RGS21: variants seen among roughly 807,000 people sequenced by gnomAD.
RGS21 encodes regulator of G-protein signalling 21.
A neutral mutation model predicts 18.7 loss-of-function variants in RGS21; 19 were observed. That is an observed-to-expected ratio of 1.01 (90% CI 0.71 to 1.49). The LOEUF (loss-of-function observed/expected upper bound fraction) is 1.49. Among genes scored for constraint, RGS21 ranks in the 40% most tolerant of loss-of-function variants. The pLI is 0.00. For synonymous variants in RGS21, 56 were observed against 57.8 expected (o/e 0.97, Z 0.14); for missense variants, 194 against 176.8 (o/e 1.10, Z -0.55).
chr1:192,328,443 A>G (rs1658599573), intron 1 of RGS21, among the ~76,000 whole-genome samples: 1 of 152,142 alleles, frequency 6.6e-6, no homozygotes, highest in Non-Finnish European at 1.5e-5. Context: ...TCTATGGTTC[A>G]TTATGTTTTT....
intron 2 of RGS21, among the ~76,000 whole-genome samples, chr1:192,344,799 G>A (rs1241981413): frequency 6.6e-6 from 1 of 152,046 alleles, no homozygotes; most frequent in Non-Finnish European, 1.5e-5. Flanking sequence ...TGAGCTGAGG[G>A]TATTCCAGGC....
rs7528947 is a variant in RGS21 at position 192,366,662 on chromosome 1, A to C, written c.*538A>C. 1 of 151,980 alleles carries C rather than the reference A, an allele frequency of 6.6e-6. No individual in the cohort carries two copies. The highest frequency in any genetic ancestry group is 1.5e-5 in the Non-Finnish European group (1 of 68,070). The allele number at this position is 151,980 out of a possible 1,614,324, so 9.4% of individuals were successfully genotyped here. On this transcript the variant is annotated 3_prime_UTR_variant, in exon 5 of 5. Transcript: ENST00000417209. ...TTTTTTAAATCACAGGAATGTATAC[A>C]CATTTATATGTATGTCTTGAATGCA...
At chr1:192,345,591 A>G (rs1398197007) in intron 2 of RGS21, among the ~76,000 whole-genome samples, 1 of 152,108 alleles carries the variant, frequency 6.6e-6, no homozygotes, top group African/African-American at 2.4e-5. Context: ...TAATGGGAAT[A>G]TAAATGTTCA....
intron 1 of RGS21, among the ~76,000 whole-genome samples, chr1:192,334,403 G>T (rs1318552042): frequency 6.6e-6 from 1 of 152,086 alleles, no homozygotes; most frequent in Non-Finnish European, 1.5e-5. Flanking sequence ...TTTTAGAATT[G>T]AATTATATTC....
At chr1:192,331,419 C>T (rs1278961871) in intron 1 of RGS21, among the ~76,000 whole-genome samples, 4 of 151,808 alleles carry the variant, frequency 2.6e-5, no homozygotes, top group African/African-American at 7.3e-5. Flanking sequence ...TGGTGGCAGG[C>T]GCCTGTAGTC....
intron 1 of RGS21, among the ~76,000 whole-genome samples, chr1:192,334,803 T>G (rs1306650053): frequency 6.6e-6 from 1 of 152,120 alleles, no homozygotes; most frequent in African/African-American, 2.4e-5. Flanking sequence ...AAAGAATATG[T>G]GTTCCATCTC....
chr1:192,343,953 C>G (rs1658910258), intron 2 of RGS21, among the ~76,000 whole-genome samples: 1 of 152,020 alleles, frequency 6.6e-6, no homozygotes, highest in South Asian at 2.1e-4. Context: ...CAACCATCCT[C>G]TTTTTTCTCC....
intron 4 of RGS21, among the ~76,000 whole-genome samples, chr1:192,364,807 C>T (rs1432494397): frequency 1.3e-5 from 2 of 151,984 alleles, no homozygotes; most frequent in Non-Finnish European, 1.5e-5. Flanking sequence ...ATACAGAACC[C>T]GCCTATGGTG....
intron 1 of RGS21, among the ~76,000 whole-genome samples, chr1:192,327,305 A>G (rs1658581613): frequency 6.6e-6 from 1 of 152,150 alleles, no homozygotes; most frequent in Admixed American, 6.6e-5. Flanking sequence ...AAAGCATCAG[A>G]AAAAAGAAGT....
intron 2 of RGS21, among the ~76,000 whole-genome samples, chr1:192,343,605 T>C (rs1427038173): frequency 6.6e-6 from 1 of 152,100 alleles, no homozygotes; most frequent in Non-Finnish European, 1.5e-5. Flanking sequence ...GGCCTGGCTC[T>C]TCTCTGGACA....
At chr1:192,323,987 T>G (rs911876705) in intron 1 of RGS21, among the ~76,000 whole-genome samples, 10 of 152,100 alleles carry the variant, frequency 6.6e-5, no homozygotes, top group African/African-American at 2.2e-4. Flanking sequence ...TTTTGCCTCA[T>G]GTAAATGTTT....
intron 4 of RGS21, among the ~76,000 whole-genome samples, chr1:192,359,073 A>G (rs772156051): frequency 6.6e-6 from 1 of 152,146 alleles, no homozygotes; most frequent in Non-Finnish European, 1.5e-5. Flanking sequence ...TCTAAGAACC[A>G]CAATCCTGTG....
At chr1:192,361,843 G>A (rs995836578) in intron 4 of RGS21, among the ~76,000 whole-genome samples, 1 of 151,962 alleles carries the variant, frequency 6.6e-6, no homozygotes, top group South Asian at 2.1e-4. Context: ...CACCATGCCC[G>A]GCCAATTTTC....
intron 1 of RGS21, among the ~76,000 whole-genome samples, chr1:192,328,678 C>T (rs1441742746): frequency 6.6e-6 from 1 of 152,062 alleles, no homozygotes; most frequent in East Asian, 1.9e-4. Flanking sequence ...ACACATTCTG[C>T]TTAAAATTTG....
In RGS21 at chr1:192,320,049, C is replaced by T. The variant is rs553311354; in HGVS notation, c.-61+2944C>T. Reference sequence around the variant, plus strand: ...GCAATTAGAAGCAAAGGTCACACAGCAATACAGATAGATCTTTTTAAAACC... The same window carrying T: ...GCAATTAGAAGCAAAGGTCACACAGTAATACAGATAGATCTTTTTAAAACC... On this transcript the variant is annotated intron_variant, in intron 1 of 4. Transcript: ENST00000417209. 2.6e-5 allele frequency among the ~76,000 whole-genome samples: 4 copies of T among 152,038 alleles called. No homozygotes were observed. In the East Asian group the frequency reaches 7.7e-4, roughly 29 times the overall value.
intron 1 of RGS21, among the ~76,000 whole-genome samples, chr1:192,329,104 G>A (rs561557804): frequency 1.9e-4 from 29 of 151,946 alleles, no homozygotes; most frequent in African/African-American, 6.0e-4. Context: ...TAAGTTTTTC[G>A]ATACAATAAA....
At chr1:192,329,529 C>A (rs1658616100) in intron 1 of RGS21, among the ~76,000 whole-genome samples, 1 of 152,016 alleles carries the variant, frequency 6.6e-6, no homozygotes, top group Admixed American at 6.5e-5. Context: ...TTGTGACTTA[C>A]ATAAGAAAAA....
In RGS21 at chr1:192,352,063, T is replaced by C; in HGVS notation, c.105T>C (p.Phe35=). 1 of 1,598,124 alleles carries C rather than the reference T, an allele frequency of 6.3e-7. No individual in the cohort carries two copies. The highest frequency in any genetic ancestry group is 8.5e-7 in the Non-Finnish European group (1 of 1,173,768). ...ATTTTATAGCTGGTCTAGATGCTTT[T>C]CGAATATTTCTAAAATCAGAGTTTA... is the stretch of plus-strand genomic sequence containing the variant. ...LLANQAGLDA[F]RIFLKSEFSE... The change falls in exon 4 of 5, where the codon TTT becomes TTC. Residue 35 remains phenylalanine, a synonymous_variant. Transcript: ENST00000417209.
intron 1 of RGS21, among the ~76,000 whole-genome samples, chr1:192,339,760 T>TA: frequency 6.6e-6 from 1 of 152,218 alleles, no homozygotes; most frequent in South Asian, 2.1e-4. Context: ...GAAAAAACTA[T>TA]GTTACTTTTT....
Sources: gnomAD v4.1 joint callset for allele counts (sites outside exome capture counted in the v4.1 genomes callset) on GRCh38, gnomAD v4.1.1 for gene constraint, MANE v1.5 for transcripts, NCBI Gene and HGNC (gene_info 2026-07-23, HGNC 2026-07-21) for gene names.